Variants in SLC26A1 observed in about 807,000 individuals in gnomAD.
SLC26A1 encodes sulfate anion transporter 1.
Under a neutral mutation model 14.5 loss-of-function variants are expected in SLC26A1, and 18 were observed. The observed-to-expected ratio is 1.24, with a 90% CI of 0.86 to 1.84. The LOEUF (loss-of-function observed/expected upper bound fraction) is 1.84, where lower values mean the gene tolerates loss of function less well. Ranked by LOEUF, SLC26A1 falls within the 40% of genes most tolerant of loss-of-function variation. The pLI, the probability that SLC26A1 is intolerant of heterozygous loss-of-function variation, is 0.00. For synonymous variants in SLC26A1, 505 were observed against 492.0 expected (o/e 1.03, Z -0.35); for missense variants, 1,049 against 1,020.0 (o/e 1.03, Z -0.39).
At chr4:981,901 G>A (rs936759569) in intron 2 of SLC26A1, among the ~76,000 whole-genome samples, 3 of 151,684 alleles carry the variant, frequency 2.0e-5, no homozygotes, top group Non-Finnish European at 4.4e-5. Flanking sequence ...CTGCAAGCTC[G>A]GTGCACTTCC....
In SLC26A1 at chr4:987,895, A is replaced by C. The variant is rs794727239; in HGVS notation, c.*938T>G. The C allele has an allele frequency of 1.2e-6, 2 of 1,609,272 alleles. No individual in the cohort carries two copies. Among genetic ancestry groups the C allele is most frequent in the Non-Finnish European group, 1.7e-6 (2 of 1,178,658 alleles). On this transcript the variant is annotated 3_prime_UTR_variant, in exon 3 of 3. Coordinates refer to ENST00000398516, the MANE Select transcript of SLC26A1 (RefSeq NM_022042.4). The stretch of plus-strand genomic sequence containing the variant: ...CTCGCCTATGTGGGCGCCGTCCCTC[A>C]CCGCGGCATCAAGCAGGTCCGGACC...
chr4:982,722 C>T (rs1462292888), downstream of SLC26A1, among the ~76,000 whole-genome samples: 1 of 152,220 alleles, frequency 6.6e-6, no homozygotes, highest in Non-Finnish European at 1.5e-5. Context: ...AAATCTAAAT[C>T]GGAATCGCAC....
chr4:990,483 G>C, intron 2 of SLC26A1, 121 bp from the exon 3 acceptor site: 1 of 996,536 alleles, frequency 1.0e-6, no homozygotes, highest in South Asian at 1.7e-5. Flanking sequence ...TCTGTGTTGC[G>C]GCCCCGTGTG....
At position 987,950 on chromosome 4, in the gene SLC26A1, G is replaced by T. The variant is rs398123259; in HGVS notation, c.*883C>A. 1.3e-6 allele frequency: 2 copies of T among 1,571,186 alleles called. No individual in the cohort carries two copies. Among genetic ancestry groups the T allele is most frequent in the Admixed American group, 3.7e-5 (2 of 54,056 alleles). On this transcript the variant is annotated 3_prime_UTR_variant, in exon 3 of 3. Coordinates refer to ENST00000398516, the MANE Select transcript of SLC26A1 (RefSeq NM_022042.4). ...GGCTGCTGGAGCTTGTCACCACCAG[G>T]TGGGCGGCGGGCAGGGTCTGGGCGT...
intron 2 of SLC26A1, chr4:990,686 G>A (rs1714220196): frequency 2.3e-6 from 1 of 437,018 alleles, no homozygotes; most frequent in Non-Finnish European, 4.1e-6. Flanking sequence ...ACCCCTTCCT[G>A]CTGCTTCCTA....
At chr4:983,470 C>G (rs1429569938), downstream of SLC26A1, among the ~76,000 whole-genome samples, 1 of 152,260 alleles carries the variant, frequency 6.6e-6, no homozygotes, top group East Asian at 1.9e-4. Context: ...GTTGTGCCCC[C>G]ACCCAGCAGG....
At chr4:991,895 G>C in intron 1 of SLC26A1, 165 bp from the exon 2 acceptor site, 2 of 1,252,868 alleles carry the variant, frequency 1.6e-6, no homozygotes, top group South Asian at 2.6e-5. Flanking sequence ...CCCCTGCCCG[G>C]TATGGATGGA....
chr4:990,309 T>G lies in SLC26A1; in HGVS notation c.630A>C (p.Pro210=). Residue 210 remains proline, a synonymous_variant, in exon 3 of 3, where the codon CCA becomes CCC. Transcript: ENST00000398516. ...LGFVSAYLSQ[P]LLDGFAMGAS... ...CCCCCATGGCAAAGCCATCGAGCAG[T>G]GGCTGTGAGAGGTAGGCGGACACGA... 1 of 1,605,168 alleles carries G rather than the reference T, an allele frequency of 6.2e-7. No individual in the cohort carries two copies. The highest frequency in any genetic ancestry group is 8.5e-7 in the Non-Finnish European group (1 of 1,177,362).
downstream of SLC26A1, chr4:987,525 T>C: frequency 1.0e-6 from 1 of 955,614 alleles, no homozygotes; most frequent in Non-Finnish European, 1.5e-6. Context: ...CAGCGGGACC[T>C]GGCCTGCCTG....
downstream of SLC26A1, chr4:987,057 G>C: frequency 6.6e-7 from 1 of 1,514,118 alleles, no homozygotes; most frequent in African/African-American, 1.4e-5. Context: ...GCAGCCCGAA[G>C]CCCCGCAGTC....
At chr4:985,257 T>G (rs923217671), downstream of SLC26A1, among the ~76,000 whole-genome samples, 1 of 152,240 alleles carries the variant, frequency 6.6e-6, no homozygotes, top group African/African-American at 2.4e-5. Context: ...CGCCATGTCT[T>G]GTGTGGCTGG....
rs556742610 is a variant in SLC26A1, at chr4:991,070, C to T, written c.576+58G>A. On this transcript the variant is annotated intron_variant, in intron 2 of 2. Coordinates refer to ENST00000398516, the MANE Select transcript of SLC26A1 (RefSeq NM_022042.4). The stretch of plus-strand genomic sequence containing the variant: ...CCCCCAGCCTTGCCCTCGTGGATGG[C>T]CAAAACCTAAGGGGGGGTGCCCTGG... 10 of 1,487,170 alleles carry T rather than the reference C, an allele frequency of 6.7e-6. 1 individual carries two copies. The highest frequency in any genetic ancestry group is 2.5e-4 in the Middle Eastern group (1 of 3,938). The allele number at this position is 1,487,170 out of a possible 1,614,324, so 92.1% of individuals were successfully genotyped here.
At chr4:982,860 G>A (rs1203011909), downstream of SLC26A1, among the ~76,000 whole-genome samples, 1 of 152,198 alleles carries the variant, frequency 6.6e-6, no homozygotes, top group African/African-American at 2.4e-5. Flanking sequence ...TCCTGAGGCC[G>A]TTACAGCCTC....
At chr4:985,411 T>A (rs1713678938), downstream of SLC26A1, among the ~76,000 whole-genome samples, 1 of 152,264 alleles carries the variant, frequency 6.6e-6, no homozygotes, top group Non-Finnish European at 1.5e-5. Flanking sequence ...CCAGTTCTGA[T>A]GGTTGCTCTC....
chr4:980,732 G>A (rs1394178338), intron 2 of SLC26A1, among the ~76,000 whole-genome samples: 2 of 151,928 alleles, frequency 1.3e-5, no homozygotes, highest in African/African-American at 4.8e-5. Flanking sequence ...GAAGGATTAC[G>A]CTGCAGACGG....
chr4:989,319 G>C lies in SLC26A1; in HGVS notation c.1620C>G (p.Phe540Leu). 1.2e-6 allele frequency: 2 copies of C among 1,610,758 alleles called. No homozygotes were observed. Among genetic ancestry groups the C allele is most frequent in the South Asian group, 2.2e-5 (2 of 90,664 alleles). The change falls in exon 3 of 3, where the codon TTC (phenylalanine) becomes TTG (leucine). Residue 540 changes from phenylalanine to leucine, a missense_variant. By Grantham distance (22) the Phe-to-Leu change is conservative. Coordinates refer to ENST00000398516, the MANE Select transcript of SLC26A1 (RefSeq NM_022042.4). ...GLVPEPGVRVFRFGGPLYYAN... is the reference protein window; with the variant it reads ...GLVPEPGVRVLRFGGPLYYAN... Reference sequence around the variant, plus strand: ...CATAGTACAGCGGCCCCCCAAAGCGGAACACCCGCACGCCGGGCTCAGGGA... The same window carrying C: ...CATAGTACAGCGGCCCCCCAAAGCGCAACACCCGCACGCCGGGCTCAGGGA...
Position 991,378 on chromosome 4 carries a change from T to C in SLC26A1, c.326A>G (p.Asn109Ser). 1.9e-6 allele frequency: 3 copies of C among 1,612,450 alleles called. No individual in the cohort carries two copies. Among genetic ancestry groups the C allele is most frequent in the South Asian group, 1.1e-5 (1 of 91,056 alleles). The change falls in exon 2 of 3, where the codon AAC (asparagine) becomes AGC (serine). Residue 109 changes from asparagine (N) to serine (S), a missense_variant. By Grantham distance (46) the Asn-to-Ser change is conservative. Coordinates refer to ENST00000398516, the MANE Select transcript of SLC26A1 (RefSeq NM_022042.4). ...IYSLYTSFFANLIYFLMGTSR... is the reference protein window; with the variant it reads ...IYSLYTSFFASLIYFLMGTSR... ...GGTGCCCATGAGGAAGTAGATGAGGTTGGCGAAGAAGGACGTATAGAGGCT... is the reference window on the plus strand; with the variant it reads ...GGTGCCCATGAGGAAGTAGATGAGGCTGGCGAAGAAGGACGTATAGAGGCT...
In SLC26A1 at chr4:989,727, C is replaced by T; in HGVS notation, c.1212G>A (p.Val404=). ...ATSAALAKSL[V]KTATGCRTQL... is the part of the protein sequence containing the mutation. ...GTGTCCGGCAGCCAGTGGCTGTCTTCACCAGGCTCTTGGCCAGGGCGGCGC... is the reference window on the plus strand; with the variant it reads ...GTGTCCGGCAGCCAGTGGCTGTCTTTACCAGGCTCTTGGCCAGGGCGGCGC... The change falls in exon 3 of 3, where the codon GTG becomes GTA. Residue 404 remains valine (V), a synonymous_variant. Coordinates refer to ENST00000398516, the MANE Select transcript of SLC26A1 (RefSeq NM_022042.4). 1.3e-6 allele frequency: 2 copies of T among 1,558,048 alleles called. No homozygotes were observed. Among genetic ancestry groups the T allele is most frequent in the South Asian group, 2.4e-5 (2 of 84,696 alleles).
downstream of SLC26A1, among the ~76,000 whole-genome samples, chr4:985,924 C>A (rs1233074357): frequency 6.6e-6 from 1 of 151,166 alleles, no homozygotes; most frequent in Non-Finnish European, 1.5e-5. Context: ...TTCTTTTTTT[C>A]TTTTCTTTTT....
Sources: allele counts gnomAD v4.1 joint callset (sites outside exome capture counted in the v4.1 genomes callset), GRCh38; gene constraint gnomAD v4.1.1; transcripts MANE v1.5; gene names NCBI Gene and HGNC (gene_info 2026-07-23, HGNC 2026-07-21).